Variants in CORO2B observed in about 807,000 individuals in gnomAD.
CORO2B encodes the protein coronin-2B.
CORO2B carries 26 observed loss-of-function variants against 58.8 expected under a neutral mutation model. The observed-to-expected ratio is 0.44, with a 90% CI of 0.32 to 0.61. CORO2B has a LOEUF of 0.61. Among genes scored for constraint, CORO2B ranks in the 20% least tolerant of loss-of-function variants. The probability of loss-of-function intolerance (pLI) is 0.04; values close to 1 mark genes in which losing one functional copy is unlikely to be tolerated. For missense variants in CORO2B, 460 were observed against 645.1 expected, an observed-to-expected ratio of 0.71 and a Z score of 3.11; for synonymous variants, 242 against 253.8, an observed-to-expected ratio of 0.95 and a Z score of 0.44.
chr15:68,579,866 A>G (rs992261065), intron 1 of CORO2B, among the ~76,000 whole-genome samples: 35 of 152,358 alleles, frequency 2.3e-4, no homozygotes, highest in Non-Finnish European at 4.6e-4. Flanking sequence ...GGAATGTGAC[A>G]GGGGAAGCAA....
intron 1 of CORO2B, among the ~76,000 whole-genome samples, chr15:68,587,047 TATACACACACACACACACAC>T (rs1290834291): frequency 2.3e-4 from 33 of 141,830 alleles, no homozygotes; most frequent in East Asian, 1.6e-3. Flanking sequence ...GGGAGATATG[TATACACACACACACACACAC>T]ACACACACAC....
At chr15:68,660,130 C>G (rs1253212715) in intron 2 of CORO2B, among the ~76,000 whole-genome samples, 1 of 152,110 alleles carries the variant, frequency 6.6e-6, no homozygotes, top group Non-Finnish European at 1.5e-5. Flanking sequence ...CTATATGGTA[C>G]CAATTCTCCT....
chr15:68,689,362 G>A (rs554378701), intron 2 of CORO2B, among the ~76,000 whole-genome samples: 8 of 151,652 alleles, frequency 5.3e-5, no homozygotes, highest in South Asian at 4.2e-4. Context: ...TCTGTGAGCC[G>A]ACCATCTGAA....
intron 3 of CORO2B, among the ~76,000 whole-genome samples, chr15:68,707,638 A>G (rs999789005): frequency 6.6e-6 from 1 of 152,192 alleles, no homozygotes; most frequent in Non-Finnish European, 1.5e-5. Flanking sequence ...GAAAAAGAAC[A>G]TGTGTAATAG....
intron 1 of CORO2B, among the ~76,000 whole-genome samples, chr15:68,594,019 G>A (rs1899767812): frequency 1.3e-5 from 2 of 152,220 alleles, no homozygotes; most frequent in African/African-American, 4.8e-5. Context: ...GGTGGCACAG[G>A]AAATGATAGT....
chr15:68,714,688 G>A (rs554162477), intron 7 of CORO2B, 25 bp downstream of exon 7: 49 of 1,574,904 alleles, frequency 3.1e-5, no homozygotes, highest in Admixed American at 1.3e-4. Flanking sequence ...GGGAGGGCCC[G>A]GGGCAGCCTG....
intron 1 of CORO2B, among the ~76,000 whole-genome samples, chr15:68,635,480 G>A (rs533132761): frequency 1.3e-5 from 2 of 152,338 alleles, no homozygotes; most frequent in South Asian, 2.1e-4. Context: ...CATGGGATCT[G>A]CCTGCAGGGG....
At chr15:68,586,926 G>A (rs1899574856) in intron 1 of CORO2B, among the ~76,000 whole-genome samples, 1 of 152,188 alleles carries the variant, frequency 6.6e-6, no homozygotes, top group African/African-American at 2.4e-5. Flanking sequence ...ACTTTGCTCT[G>A]GCAGGAAATT....
At chr15:68,666,662 C>T (rs1221047622) in intron 2 of CORO2B, among the ~76,000 whole-genome samples, 2 of 151,758 alleles carry the variant, frequency 1.3e-5, no homozygotes, top group Admixed American at 6.6e-5. Flanking sequence ...GAAAGCAGGG[C>T]GGCTGTGGGC....
At chr15:68,696,271 G>A (rs1014043553) in intron 3 of CORO2B, among the ~76,000 whole-genome samples, 2 of 150,354 alleles carry the variant, frequency 1.3e-5, no homozygotes, top group African/African-American at 4.9e-5. Context: ...AAAAGAGTTC[G>A]AGCATGGTGG....
intron 1 of CORO2B, chr15:68,641,512 C>T (rs534048062): frequency 3.5e-5 from 34 of 984,784 alleles, no homozygotes; most frequent in East Asian, 1.1e-4. Context: ...GGAGGGTGGA[C>T]GAGGAAGAGG....
At chr15:68,639,604 C>T (rs1224471846) in intron 1 of CORO2B, among the ~76,000 whole-genome samples, 5 of 152,220 alleles carry the variant, frequency 3.3e-5, no homozygotes, top group Non-Finnish European at 5.9e-5. Flanking sequence ...ACTCTATTAT[C>T]TCAGGGCTGG....
At chr15:68,534,034 G>A in the CORO2B span, among the ~76,000 whole-genome samples, 1 of 152,158 alleles carries the variant, frequency 6.6e-6, no homozygotes, top group African/African-American at 2.4e-5. Flanking sequence ...GATAGGACAT[G>A]TGCCTCATAG....
chr15:68,657,535 AAGG>A (rs1335746728), intron 2 of CORO2B, among the ~76,000 whole-genome samples: 5 of 151,790 alleles, frequency 3.3e-5, no homozygotes, highest in African/African-American at 9.7e-5. Flanking sequence ...AAAAAAAAAA[AAGG>A]AAATACAGTT....
intron 1 of CORO2B, among the ~76,000 whole-genome samples, chr15:68,583,245 G>A (rs558107972): frequency 6.6e-6 from 1 of 152,312 alleles, no homozygotes; most frequent in Admixed American, 6.5e-5. Context: ...TGTCTCTAGG[G>A]CCCCTACAGA....
the CORO2B span, among the ~76,000 whole-genome samples, chr15:68,558,756 G>A: frequency 6.6e-6 from 1 of 152,058 alleles, no homozygotes; most frequent in Non-Finnish European, 1.5e-5. Context: ...CTCCTTTCTA[G>A]GCCTTTGTGG....
upstream of CORO2B, among the ~76,000 whole-genome samples, chr15:68,574,903 A>G (rs1015754318): frequency 1.3e-4 from 20 of 152,220 alleles, no homozygotes; most frequent in African/African-American, 4.1e-4. Flanking sequence ...GGCCCAGGAA[A>G]GAGCATGGCC....
the CORO2B span, among the ~76,000 whole-genome samples, chr15:68,536,842 G>A: frequency 5.1e-4 from 78 of 152,344 alleles, no homozygotes; most frequent in South Asian, 6.2e-3. Context: ...TGTAAATGGA[G>A]GGGCTATGCC....
At position 68,700,760 on chromosome 15, in the gene CORO2B, C is replaced by T. The variant is rs1892621920; in HGVS notation, c.333+5504C>T. On this transcript the variant is annotated intron_variant, in intron 3 of 11. Coordinates refer to ENST00000261861, the MANE Select transcript of CORO2B (RefSeq NM_006091.5). ...GGCAGGGAAGGGCGCTATCGGTTTCCAAGCCTCGTGCTCCCAGCCCTTCTC... is the reference window on the plus strand; with the variant it reads ...GGCAGGGAAGGGCGCTATCGGTTTCTAAGCCTCGTGCTCCCAGCCCTTCTC... Among the ~76,000 whole-genome samples, 3 of 152,324 alleles carry T rather than the reference C, an allele frequency of 2.0e-5. No individual in the cohort carries two copies. The South Asian group carries it at 6.2e-4, about 32-fold the overall frequency.
Sources: gnomAD v4.1 joint callset for allele counts (sites outside exome capture counted in the v4.1 genomes callset) on GRCh38, gnomAD v4.1.1 for gene constraint, MANE v1.5 for transcripts, NCBI Gene and HGNC (gene_info 2026-07-23, HGNC 2026-07-21) for gene names.